SLC47A1: variants seen among roughly 807,000 people sequenced by gnomAD.
SLC47A1 encodes the protein multidrug and toxin extrusion protein 1.
SLC47A1 carries 58 observed loss-of-function variants against 65.8 expected under a neutral mutation model. That is an observed-to-expected ratio of 0.88 (90% CI 0.71 to 1.10). The LOEUF is 1.10. SLC47A1 is among the 50% of genes least tolerant of loss of function. SLC47A1 has a pLI of 0.00. For missense variants in SLC47A1, 706 were observed against 719.2 expected (o/e 0.98, Z 0.21); for synonymous variants, 285 against 295.0 (o/e 0.97, Z 0.35).
rs2084333153 is a variant in SLC47A1, at chr17:19,563,670, G to T, written c.1107-3120G>T. ...ACAGATCACTCTTATGTATTAATATGAATTTAAAAATCCAAAATAAAATGT... is the reference window on the plus strand; with the variant it reads ...ACAGATCACTCTTATGTATTAATATTAATTTAAAAATCCAAAATAAAATGT... On this transcript the variant is annotated intron_variant, in intron 12 of 16. Transcript: ENST00000270570. Among the ~76,000 whole-genome samples, 4 of 152,192 alleles carry T rather than the reference G, an allele frequency of 2.6e-5. No individual in the cohort carries two copies. The South Asian group carries it at 8.3e-4, about 32-fold the overall frequency.
chr17:19,543,264 C>G (rs1432556277), intron 2 of SLC47A1, among the ~76,000 whole-genome samples: 1 of 151,844 alleles, frequency 6.6e-6, no homozygotes, highest in Non-Finnish European at 1.5e-5. Flanking sequence ...TGCCTGCCAC[C>G]ATGTCTGGCT....
At chr17:19,539,448 A>G (rs1916079307) in intron 1 of SLC47A1, among the ~76,000 whole-genome samples, 1 of 151,436 alleles carries the variant, frequency 6.6e-6, no homozygotes, top group Non-Finnish European at 1.5e-5. Flanking sequence ...GAGCATGGGG[A>G]TATACTGAAA....
intron 16 of SLC47A1, among the ~76,000 whole-genome samples, chr17:19,574,845 A>G (rs182430622): frequency 2.3e-3 from 352 of 152,296 alleles, no homozygotes; most frequent in South Asian, 8.3e-3. Flanking sequence ...CATGTTGGCC[A>G]GACTTTTCTT....
At chr17:19,550,071 A>T (rs1020884938) in intron 5 of SLC47A1, among the ~76,000 whole-genome samples, 4 of 152,314 alleles carry the variant, frequency 2.6e-5, no homozygotes, top group Admixed American at 6.5e-5. Context: ...TTAATGTTTG[A>T]CACAGCAGTG....
intron 16 of SLC47A1, among the ~76,000 whole-genome samples, chr17:19,575,401 C>CT (rs1215041320): frequency 0.16 from 22,226 of 137,110 alleles, 1,869 homozygotes; most frequent in East Asian, 0.24. Context: ...ATTATTATTC[C>CT]TTTTTTTTTT....
At chr17:19,555,735 C>T (rs761922882) in intron 8 of SLC47A1, 45 bp downstream of exon 8, 2 of 1,613,568 alleles carry the variant, frequency 1.2e-6, no homozygotes, top group South Asian at 2.2e-5. Context: ...TGGGTTTTGT[C>T]TCAGGTTGAG....
At chr17:19,569,151 C>CACTT (rs1419004079) in intron 14 of SLC47A1, among the ~76,000 whole-genome samples, 7 of 151,866 alleles carry the variant, frequency 4.6e-5, no homozygotes, top group African/African-American at 1.7e-4. Flanking sequence ...GTGGGTGGTT[C>CACTT]ACTTGAGGTT....
chr17:19,572,162 GT>G (rs1309787549), intron 15 of SLC47A1, among the ~76,000 whole-genome samples: 1 of 152,116 alleles, frequency 6.6e-6, no homozygotes, highest in Non-Finnish European at 1.5e-5. Context: ...AAATAAAAAT[GT>G]TTTAAAAAGA....
At position 19,534,265 on chromosome 17, in the gene SLC47A1, C is replaced by A. The variant is rs542226214; in HGVS notation, c.135+191C>A. On this transcript the variant is annotated intron_variant, in intron 1 of 16. Transcript: ENST00000270570. ...GCCTGCGTCCCGGCCGCTTTCCGCT[C>A]CGCACCACCCGACTGGGGGCCCCGC... The A allele has an allele frequency of 2.2e-3, 1,469 of 655,894 alleles. 7 individuals carry two copies. The highest frequency in any genetic ancestry group is 6.2e-3 in the South Asian group (209 of 33,448). The allele number at this position is 655,894 out of a possible 1,614,324, so 40.6% of individuals were successfully genotyped here. A position where few individuals can be genotyped will look rare whatever the true frequency, so the allele number is the denominator to read the frequency against.
At chr17:19,538,427 G>A (rs902725250) in intron 1 of SLC47A1, among the ~76,000 whole-genome samples, 5 of 152,206 alleles carry the variant, frequency 3.3e-5, no homozygotes, top group African/African-American at 9.6e-5. Flanking sequence ...ATCACTATCC[G>A]GGGAAAAGAT....
At chr17:19,535,966 A>G (rs927451625) in intron 1 of SLC47A1, among the ~76,000 whole-genome samples, 1 of 151,948 alleles carries the variant, frequency 6.6e-6, no homozygotes, top group Non-Finnish European at 1.5e-5. Flanking sequence ...TTATTGTTTT[A>G]TTATTATTAT....
At chr17:19,538,068 AC>A (rs1334860422) in intron 1 of SLC47A1, among the ~76,000 whole-genome samples, 2 of 152,238 alleles carry the variant, frequency 1.3e-5, no homozygotes, top group African/African-American at 2.4e-5. Context: ...TCCTTGGCTT[AC>A]GATGGGGTTA....
chr17:19,570,178 A>C lies in SLC47A1; in HGVS notation c.1310-1300A>C, dbSNP rs716126. 9.1e-3 allele frequency among the ~76,000 whole-genome samples: 1,385 copies of C among 152,326 alleles called. 57 individuals carry two copies. Among genetic ancestry groups the C allele is most frequent in the East Asian group, 0.065 (336 of 5,178 alleles). On this transcript the variant is annotated intron_variant, in intron 14 of 16. Coordinates refer to ENST00000270570, the MANE Select transcript of SLC47A1 (RefSeq NM_018242.3). ...CTGAAAAATGTGATTGGTACCAAGAAACAGAGCTGTAAAACCTGTACCGAA... is the reference window on the plus strand; with the variant it reads ...CTGAAAAATGTGATTGGTACCAAGACACAGAGCTGTAAAACCTGTACCGAA...
At chr17:19,548,406 A>G (rs1487637874) in intron 4 of SLC47A1, among the ~76,000 whole-genome samples, 4 of 152,046 alleles carry the variant, frequency 2.6e-5, no homozygotes, top group African/African-American at 9.7e-5. Flanking sequence ...CGTTTGCTCA[A>G]AGTTTAGTTA....
At chr17:19,538,353 TG>T in intron 1 of SLC47A1, among the ~76,000 whole-genome samples, 1 of 152,258 alleles carries the variant, frequency 6.6e-6, no homozygotes, top group Non-Finnish European at 1.5e-5. Flanking sequence ...GCTCTCGTGA[TG>T]GCAGGGCTGA....
chr17:19,566,327 C>A (rs1394221649), intron 12 of SLC47A1, among the ~76,000 whole-genome samples: 1 of 152,194 alleles, frequency 6.6e-6, no homozygotes, highest in Non-Finnish European at 1.5e-5. Flanking sequence ...CTGTGAGATA[C>A]AACATGCAGT....
Position 19,555,628 on chromosome 17 carries a change from C to T in SLC47A1, c.677C>T (p.Thr226Ile). ...SALANLISQY[T>I]LALLLFLYIL... ...CTGGCAAACTTGATTTCCCAGTACA[C>T]CCTGGCTCTACTCCTCTTTCTCTAC... The change falls in exon 8 of 17, where the codon ACC becomes ATC. Residue 226 changes from threonine (T) to isoleucine (I), a missense_variant. Physicochemically the swap from Thr to Ile is moderately conservative, Grantham distance 89. Transcript: ENST00000270570. 1.2e-6 allele frequency: 2 copies of T among 1,614,194 alleles called. No individual in the cohort carries two copies. The highest frequency in any genetic ancestry group is 1.7e-6 in the Non-Finnish European group (2 of 1,180,040).
intron 15 of SLC47A1, 29 bp from the exon 16 acceptor site, chr17:19,572,751 A>T: frequency 1.2e-6 from 2 of 1,606,752 alleles, no homozygotes; most frequent in Non-Finnish European, 1.7e-6. Context: ...ACTATTGTGA[A>T]GCCTGATGGA....
chr17:19,567,225 A>T lies in SLC47A1; in HGVS notation c.1306A>T (p.Met436Leu). 2 of 1,614,180 alleles carry T rather than the reference A, an allele frequency of 1.2e-6. No homozygotes were observed. Among genetic ancestry groups the T allele is most frequent in the Non-Finnish European group, 1.7e-6 (2 of 1,180,026 alleles). ...GATGTTTGCAACCACACTTGGAGTG[A>T]TGGGTAAGCTCTAACCTCTGCAGGC... Reference protein sequence around the residue: ...ALMFATTLGVMGLWSGIIICT... With the variant: ...ALMFATTLGVLGLWSGIIICT... The change falls in exon 14 of 17, where the codon ATG becomes TTG. Residue 436 changes from methionine to leucine, a missense_variant. Physicochemically the swap from Met to Leu is conservative, Grantham distance 15 (BLOSUM62 2). Transcript: ENST00000270570.
Sources: gnomAD v4.1 joint callset for allele counts (sites outside exome capture counted in the v4.1 genomes callset) on GRCh38, gnomAD v4.1.1 for gene constraint, MANE v1.5 for transcripts, NCBI Gene and HGNC (gene_info 2026-07-23, HGNC 2026-07-21) for gene names.